Variants in NCF4 observed in about 807,000 individuals in gnomAD.
NCF4 encodes neutrophil cytosolic factor 4, also known as neutrophil cytosol factor 4.
Under a neutral mutation model 41.7 loss-of-function variants are expected in NCF4, and 30 were observed. The ratio of observed to expected loss-of-function variants is 0.72; its 90% CI spans 0.54 to 0.97. The LOEUF is 0.97. NCF4 is among the 50% of genes least tolerant of loss of function. The pLI, the probability that NCF4 is intolerant of heterozygous loss-of-function variation, is 0.00. For synonymous variants in NCF4, 195 were observed against 175.8 expected, an observed-to-expected ratio of 1.11 and a Z score of -0.87; for missense variants, 432 against 460.9, an observed-to-expected ratio of 0.94 and a Z score of 0.57.
intron 4 of NCF4, chr22:36,870,195 C>T (rs1940019239): frequency 1.6e-6 from 1 of 635,266 alleles, no homozygotes; most frequent in Non-Finnish European, 2.8e-6. Flanking sequence ...AGCCCCTGGT[C>T]CCTCTCCTGA....
intron 5 of NCF4, among the ~76,000 whole-genome samples, chr22:36,871,239 C>T (rs902993078): frequency 7.9e-5 from 12 of 152,200 alleles, no homozygotes; most frequent in Non-Finnish European, 1.5e-4. Flanking sequence ...ATGTGGCAGC[C>T]GCAGGCCCCA....
chr22:36,868,474 G>A (rs1939979385), intron 4 of NCF4, among the ~76,000 whole-genome samples: 1 of 152,350 alleles, frequency 6.6e-6, no homozygotes, highest in East Asian at 1.9e-4. Context: ...GACTCCTGAT[G>A]GAGGGAAGGA....
In NCF4 at chr22:36,864,930, C is replaced by T. The variant is rs753635134; in HGVS notation, c.129C>T (p.Ile43=). 1.0e-4 allele frequency: 162 copies of T among 1,613,904 alleles called. 3 individuals are homozygous for T. In the South Asian group the frequency reaches 1.1e-3, roughly 11 times the overall value. ...RGFTSHFVFV[I]EVKTKGGSKY... Reference sequence around the variant, plus strand: ...TCTGTCCTCCTTAGGTTTTCGTCATCGAGGTGAAGACAAAAGGAGGATCCA... The same window carrying T: ...TCTGTCCTCCTTAGGTTTTCGTCATTGAGGTGAAGACAAAAGGAGGATCCA... The change falls in exon 3 of 10, where the codon ATC becomes ATT. Residue 43 remains isoleucine, a synonymous_variant. Coordinates refer to ENST00000248899, the MANE Select transcript of NCF4 (RefSeq NM_000631.5).
intron 1 of NCF4, among the ~76,000 whole-genome samples, chr22:36,861,918 G>C (rs1406043637): frequency 6.6e-6 from 1 of 152,152 alleles, no homozygotes; most frequent in Non-Finnish European, 1.5e-5. Flanking sequence ...GACGGAAAAG[G>C]TCTTAGATTC....
intron 2 of NCF4, among the ~76,000 whole-genome samples, chr22:36,864,359 G>A (rs1939869461): frequency 6.6e-6 from 1 of 152,196 alleles, no homozygotes; most frequent in South Asian, 2.1e-4. Context: ...CCAGGGTGCT[G>A]CTAAACACCC....
intron 7 of NCF4, among the ~76,000 whole-genome samples, chr22:36,875,007 C>T (rs964916911): frequency 6.6e-6 from 1 of 152,164 alleles, no homozygotes; most frequent in Non-Finnish European, 1.5e-5. Context: ...TCCGTGGGGG[C>T]AAGGACTTAT....
intron 4 of NCF4, among the ~76,000 whole-genome samples, chr22:36,869,483 G>T (rs962943821): frequency 6.6e-6 from 1 of 152,148 alleles, no homozygotes; most frequent in Non-Finnish European, 1.5e-5. Flanking sequence ...CCATATGACA[G>T]CCTTTTCCGG....
At position 36,877,535 on chromosome 22, in the gene NCF4, C is replaced by G. The variant is rs565948476; in HGVS notation, c.825-93C>G. 2.2e-6 allele frequency: 3 copies of G among 1,349,816 alleles called. No homozygotes were observed. The African/African-American group carries it at 4.3e-5, about 19-fold the overall frequency. 83.6% of individuals were successfully genotyped at this position (1,349,816 alleles called of 1,614,324 possible). On this transcript the variant is annotated intron_variant, in intron 9 of 9. Transcript: ENST00000248899. ...TATCAGGCTCTGACTTTTTCTTACT[C>G]CTGGCTTCAGGACATAAAACCCTTT...
chr22:36,871,769 C>T (rs1294693252), intron 6 of NCF4, 60 bp downstream of exon 6: 4 of 1,507,388 alleles, frequency 2.7e-6, no homozygotes, highest in Non-Finnish European at 3.6e-6. Flanking sequence ...CTTGGCCCAC[C>T]TGCCAGCCAC....
Position 36,876,097 on chromosome 22 carries a change from G to A in NCF4, c.824+3G>A. 6.2e-7 allele frequency: 1 copy of A among 1,604,550 alleles called. No individual in the cohort carries two copies. Among genetic ancestry groups the A allele is most frequent in the Non-Finnish European group, 8.5e-7 (1 of 1,174,362 alleles). ...AAAGACCTGCTGGAGCTCACAAGGTGAGGGGCTGGGAATGGGGCTGGGGAG... is the reference window on the plus strand; with the variant it reads ...AAAGACCTGCTGGAGCTCACAAGGTAAGGGGCTGGGAATGGGGCTGGGGAG... On this transcript the variant is annotated splice_donor_region_variant and intron_variant, in intron 9 of 9. Transcript: ENST00000248899.
chr22:36,863,493 A>G (rs376435411), intron 1 of NCF4, among the ~76,000 whole-genome samples: 26 of 112,088 alleles, frequency 2.3e-4, no homozygotes, highest in African/African-American at 8.5e-4. Context: ...TCCCTCTGCG[A>G]GGCATCAAGG....
chr22:36,874,987 T>C (rs1167678806), intron 7 of NCF4, among the ~76,000 whole-genome samples: 1 of 152,208 alleles, frequency 6.6e-6, no homozygotes, highest in Non-Finnish European at 1.5e-5. Flanking sequence ...TTCCCCATCA[T>C]ACTGGAAACT....
In NCF4 at chr22:36,864,139, A is replaced by C. The variant is rs1408114669; in HGVS notation, c.117+10A>C. ...CTTCACCAGCCACTTTGTAAGACAG[A>C]CTCCTAGTCCTTCACCCAACAACCT... On this transcript the variant is annotated intron_variant, in intron 2 of 9. Transcript: ENST00000248899. 1.2e-6 allele frequency: 2 copies of C among 1,606,194 alleles called. No homozygotes were observed. The highest frequency in any genetic ancestry group is 1.3e-5 in the African/African-American group (1 of 74,612).
intron 3 of NCF4, among the ~76,000 whole-genome samples, chr22:36,866,771 G>A (rs976044772): frequency 2.6e-5 from 4 of 152,156 alleles, no homozygotes; most frequent in African/African-American, 7.2e-5. Flanking sequence ...TTGGTAGCCC[G>A]TCATATTTCC....
chr22:36,877,078 CACAT>C (rs1940209015), intron 9 of NCF4, among the ~76,000 whole-genome samples: 2 of 152,184 alleles, frequency 1.3e-5, no homozygotes. Flanking sequence ...AATCCTTTAG[CACAT>C]TTATACACGA....
At chr22:36,866,071 C>G (rs968721812) in intron 3 of NCF4, among the ~76,000 whole-genome samples, 2 of 152,184 alleles carry the variant, frequency 1.3e-5, no homozygotes, top group African/African-American at 4.8e-5. Context: ...CAGCCTCAAC[C>G]CTCTTCTGTC....
chr22:36,867,595 C>T lies in NCF4; in HGVS notation c.342+133C>T, dbSNP rs563784918. On this transcript the variant is annotated intron_variant, in intron 4 of 9. Coordinates refer to ENST00000248899, the MANE Select transcript of NCF4 (RefSeq NM_000631.5). ...GGCTCTGATGGCCCCATCTTCAATC[C>T]CTAAAGGCCTGGTCTGGGGAGTAAA... The T allele has an allele frequency of 1.2e-5, 11 of 929,668 alleles. No individual in the cohort carries two copies. The African/African-American group carries it at 1.6e-4, about 14-fold the overall frequency. 57.6% of individuals were successfully genotyped at this position (929,668 alleles called of 1,614,324 possible). A position where few individuals can be genotyped will look rare whatever the true frequency, so the allele number is the denominator to read the frequency against.
chr22:36,876,044 G>A lies in NCF4; in HGVS notation c.774G>A (p.Glu258=), dbSNP rs1168483867. The change falls in exon 9 of 10, where the codon GAG becomes GAA. Residue 258 remains glutamate, a synonymous_variant. Transcript: ENST00000248899. ...ACCCCCTTAGGGACATCGCGGTGGA[G>A]GAAGATCTCAGCAGCACTCCCCTAT... is the stretch of plus-strand genomic sequence containing the variant. ...TISTIKDIAV[E]EDLSSTPLLK... The A allele has an allele frequency of 9.3e-6, 15 of 1,612,604 alleles. No individual in the cohort carries two copies. In the Admixed American group the frequency reaches 2.2e-4, roughly 23 times the overall value.
intron 4 of NCF4, among the ~76,000 whole-genome samples, chr22:36,868,290 G>C (rs1939974936): frequency 6.6e-6 from 1 of 152,244 alleles, no homozygotes; most frequent in African/African-American, 2.4e-5. Context: ...CTCTGACACT[G>C]ACTGGCTGGG....
Sources: gnomAD v4.1 joint callset for allele counts (sites outside exome capture counted in the v4.1 genomes callset) on GRCh38, gnomAD v4.1.1 for gene constraint, MANE v1.5 for transcripts, NCBI Gene and HGNC (gene_info 2026-07-23, HGNC 2026-07-21) for gene names.